Variants in FGF13 observed in about 807,000 individuals in gnomAD.
FGF13 encodes fibroblast growth factor homologous factor 2.
Under a neutral mutation model 19.5 loss-of-function variants are expected in FGF13, and 2 were observed. That is an observed-to-expected ratio of 0.10 (90% CI 0.04 to 0.32). The LOEUF is 0.32. Ranked by LOEUF, FGF13 falls within the 10% of genes least tolerant of loss-of-function variation. The probability of loss-of-function intolerance (pLI) is 1.00; values close to 1 mark genes in which losing one functional copy is unlikely to be tolerated. For synonymous variants in FGF13, 72 were observed against 76.9 expected (o/e 0.94, Z 0.33); for missense variants, 113 against 192.7 (o/e 0.59, Z 2.45).
chrX:138,984,693 G>GAGGAGAAGA (rs370453471), intron 1 of FGF13, among the ~76,000 whole-genome samples: 3 of 71,788 alleles, frequency 4.2e-5, no homozygotes, highest in Admixed American at 1.7e-4. Context: ...GAAGAAGGAG[G>GAGGAGAAGA]AGAAGAAGAA....
At chrX:138,929,880 G>C (rs1180123255) in intron 1 of FGF13, among the ~76,000 whole-genome samples, 2 of 108,546 alleles carry the variant, frequency 1.8e-5, no homozygotes, top group Non-Finnish European at 3.8e-5. Context: ...GTGTGTGTGT[G>C]TGTGTGTGTG....
chrX:139,013,477 T>TTTTA lies in FGF13; in HGVS notation c.-112-148831_-112-148828dup, dbSNP rs1379161885. Reference sequence around the variant, plus strand: ...TCAATCAATGAATGGATAAAGAAAATTTTATATATATATATATATATATAT... The same window carrying TTTTA: ...TCAATCAATGAATGGATAAAGAAAATTTTATTTATATATATATATATATATATAT... On this transcript the variant is annotated intron_variant, in intron 1 of 2. Coordinates refer to the FGF13 transcript ENST00000421460. Among the ~76,000 whole-genome samples, 24 of 64,733 alleles carry TTTTA rather than the reference T, an allele frequency of 3.7e-4. 1 individual carries two copies. Among genetic ancestry groups the TTTTA allele is most frequent in the African/African-American group, 1.6e-3 (23 of 14,733 alleles). The allele number at this position is 64,733 out of a possible 115,157, so 56.2% of individuals were successfully genotyped here. A position where few individuals can be genotyped will look rare whatever the true frequency, so the allele number is the denominator to read the frequency against.
chrX:138,675,627 T>C (rs2089657178), intron 3 of FGF13, among the ~76,000 whole-genome samples: 1 of 111,620 alleles, frequency 9.0e-6, no homozygotes, highest in Admixed American at 9.6e-5. Context: ...ATATTTATTC[T>C]ATTTTGATTT....
intron 1 of FGF13, among the ~76,000 whole-genome samples, chrX:139,043,197 A>G (rs749408196): frequency 9.0e-6 from 1 of 110,670 alleles, no homozygotes; most frequent in South Asian, 3.9e-4. Context: ...ACACTTTTCA[A>G]TTAGGGAAAG....
intron 1 of FGF13, among the ~76,000 whole-genome samples, chrX:139,173,951 G>A (rs2084155742): frequency 8.9e-6 from 1 of 111,892 alleles, no homozygotes; most frequent in Non-Finnish European, 1.9e-5. Flanking sequence ...GGTATTTCTG[G>A]TTCTAGATCC....
intron 1 of FGF13, among the ~76,000 whole-genome samples, chrX:138,870,280 G>T (rs767273479): frequency 8.9e-6 from 1 of 111,916 alleles, no homozygotes; most frequent in Non-Finnish European, 1.9e-5. Context: ...TAGTAAAGTA[G>T]AGTTCTTGAT....
At chrX:139,003,104 C>T (rs1471507276) in intron 1 of FGF13, among the ~76,000 whole-genome samples, 2 of 112,010 alleles carry the variant, frequency 1.8e-5, no homozygotes, top group East Asian at 2.8e-4. Context: ...CGGACCCTCG[C>T]GGTGAGTGTT....
chrX:138,645,638 A>T (rs1349833371), intron 3 of FGF13, among the ~76,000 whole-genome samples: 3 of 112,076 alleles, frequency 2.7e-5, no homozygotes, highest in African/African-American at 9.7e-5. Context: ...CATTTGTGTG[A>T]TATATAAGAA....
chrX:139,199,973 G>A, intron 1 of FGF13, among the ~76,000 whole-genome samples: 1 of 112,037 alleles, frequency 8.9e-6, no homozygotes, highest in Non-Finnish European at 1.9e-5. Flanking sequence ...GGTATAATGT[G>A]CACTCATTTT....
chrX:138,769,291 T>C (rs2090527288), intron 3 of FGF13, among the ~76,000 whole-genome samples: 1 of 111,426 alleles, frequency 9.0e-6, no homozygotes, highest in Admixed American at 9.6e-5. Flanking sequence ...GGCGGGGTGG[T>C]TAAACATGTA....
intron 3 of FGF13, among the ~76,000 whole-genome samples, chrX:138,749,926 A>AGTGGC (rs2090385528): frequency 2.7e-5 from 3 of 112,127 alleles, no homozygotes; most frequent in African/African-American, 9.7e-5. Flanking sequence ...GAAAGATTTC[A>AGTGGC]GTGGCTGCAG....
intron 2 of FGF13, among the ~76,000 whole-genome samples, chrX:138,857,861 C>T (rs746059863): frequency 8.9e-5 from 10 of 111,765 alleles, no homozygotes; most frequent in Non-Finnish European, 1.7e-4. Flanking sequence ...ATACTAAAGC[C>T]GTGGAAATAG....
chrX:139,204,170 C>G (rs2084444089), upstream of FGF13: 1 of 1,063,615 alleles, frequency 9.4e-7, no homozygotes, highest in Non-Finnish European at 1.3e-6. Flanking sequence ...GCGGGTCGGA[C>G]TTGGGAGAGT....
intron 3 of FGF13, among the ~76,000 whole-genome samples, chrX:138,815,332 G>A (rs1051013294): frequency 1.8e-5 from 2 of 110,864 alleles, no homozygotes; most frequent in Non-Finnish European, 3.8e-5. Context: ...AAACTTACAT[G>A]TTCTTACCAC....
At chrX:139,167,411 A>G (rs112106766) in intron 1 of FGF13, among the ~76,000 whole-genome samples, 1,813 of 112,088 alleles carry the variant, frequency 0.016, 40 homozygotes, top group African/African-American at 0.056. Flanking sequence ...ATGTAGGTAC[A>G]CACACATGTC....
Position 139,083,699 on chromosome X carries a change from C to A in FGF13, c.-113+119717G>T, listed in dbSNP as rs201718923. ...CCTCCTGGCCAACATGGTGAAACCCCGTCTCTACTAAAAATACAAAAATTA... is the reference window on the plus strand; with the variant it reads ...CCTCCTGGCCAACATGGTGAAACCCAGTCTCTACTAAAAATACAAAAATTA... On this transcript the variant is annotated intron_variant, in intron 1 of 2. Coordinates refer to the FGF13 transcript ENST00000421460. Among the ~76,000 whole-genome samples the A allele has an allele frequency of 2.0e-3, 219 of 110,052 alleles. 2 individuals carry two copies. The highest frequency in any genetic ancestry group is 7.1e-3 in the African/African-American group (214 of 30,216).
intron 1 of FGF13, among the ~76,000 whole-genome samples, chrX:138,972,971 T>G (rs1324943890): frequency 1.8e-5 from 2 of 111,539 alleles, no homozygotes. Context: ...AGCTCTTAAT[T>G]TTGTTGAGCT....
intron 1 of FGF13, among the ~76,000 whole-genome samples, chrX:138,969,817 A>T (rs1276640762): frequency 8.9e-6 from 1 of 112,040 alleles, no homozygotes; most frequent in Non-Finnish European, 1.9e-5. Context: ...ATATCCATAC[A>T]GCCATTGTCG....
intron 1 of FGF13, among the ~76,000 whole-genome samples, chrX:139,174,822 G>A (rs1317412051): frequency 8.9e-6 from 1 of 112,189 alleles, no homozygotes; most frequent in Non-Finnish European, 1.9e-5. Context: ...TTTGAAGTCA[G>A]GTAGTGTGAT....
Sources: gnomAD v4.1 joint callset for allele counts (sites outside exome capture counted in the v4.1 genomes callset) on GRCh38, gnomAD v4.1.1 for gene constraint, MANE v1.5 for transcripts, NCBI Gene and HGNC (gene_info 2026-07-23, HGNC 2026-07-21) for gene names.